The following OTOF variants were observed in gnomAD, a reference collection of about 807,000 sequenced individuals.
The protein encoded by OTOF is fer-1-like family member 2.
A neutral mutation model predicts 236.8 loss-of-function variants in OTOF; 218 were observed. That is an observed-to-expected ratio of 0.92 (90% CI 0.82 to 1.03). The LOEUF is 1.03. OTOF is among the 50% of genes least tolerant of loss of function. The probability of loss-of-function intolerance (pLI) is 0.00; values close to 1 mark genes in which losing one functional copy is unlikely to be tolerated. For missense variants in OTOF, 2,590 were observed against 2,694.4 expected, an observed-to-expected ratio of 0.96 and a Z score of 0.86; for synonymous variants, 1,041 against 1,072.5, an observed-to-expected ratio of 0.97 and a Z score of 0.57.
At position 26,476,137 on chromosome 2, in the gene OTOF, C is replaced by G. The variant is rs767573171; in HGVS notation, c.2857G>C (p.Val953Leu). Residue 953 changes from valine (V) to leucine (L), a missense_variant, in exon 23 of 47, where the codon GTC (valine) becomes CTC (leucine). Around this residue, in one of 2 missense-constraint regions of OTOF, gnomAD observed 1,379 missense variants for 1,341.6 expected, o/e 1.03. Transcript: ENST00000272371. Reference protein sequence around the residue: ...GLHAFPPVSLVYTKKQAFQLR... With the variant: ...GLHAFPPVSLLYTKKQAFQLR... Reference sequence around the variant, plus strand: ...AGGGGTCCTCACTCACTGGTGTAGACCAGGCTGACGGGTGGGAAGGCATGC... The same window carrying G: ...AGGGGTCCTCACTCACTGGTGTAGAGCAGGCTGACGGGTGGGAAGGCATGC... 6.2e-7 allele frequency: 1 copy of G among 1,611,280 alleles called. No individual in the cohort carries two copies. The highest frequency in any genetic ancestry group is 1.1e-5 in the South Asian group (1 of 90,980).
intron 5 of OTOF, among the ~76,000 whole-genome samples, chr2:26,512,629 C>T (rs1666418622): frequency 6.6e-6 from 1 of 152,198 alleles, no homozygotes; most frequent in Non-Finnish European, 1.5e-5. Context: ...GCTCCCTATA[C>T]CTGCCCCTGG....
chr2:26,466,139 G>A (rs1664717770), intron 36 of OTOF, 63 bp from the exon 37 acceptor site: 15 of 1,605,022 alleles, frequency 9.3e-6, no homozygotes, highest in Non-Finnish European at 1.3e-5. Flanking sequence ...CAGTGCCCCT[G>A]CCAGGCTGCC....
rs576888317 is a variant in OTOF at position 26,548,773 on chromosome 2, G to T, written c.79+9720C>A. On this transcript the variant is annotated intron_variant, in intron 1 of 46. Coordinates refer to ENST00000272371, the MANE Select transcript of OTOF (RefSeq NM_194248.3). The stretch of plus-strand genomic sequence containing the variant: ...GCAGTAGGTCATACCATGTAGCCTA[G>T]GTGTGTAGTTGGCTATACCATCTAG... Among the ~76,000 whole-genome samples the T allele has an allele frequency of 2.6e-5, 4 of 152,284 alleles. No homozygotes were observed. The South Asian group carries it at 8.3e-4, about 32-fold the overall frequency.
At position 26,477,539 on chromosome 2, in the gene OTOF, C is replaced by T. The variant is rs1404556732; in HGVS notation, c.2316-33G>A. The T allele has an allele frequency of 1.3e-6, 2 of 1,596,610 alleles. No homozygotes were observed. Among genetic ancestry groups the T allele is most frequent in the Admixed American group, 3.5e-5 (2 of 57,678 alleles). ...TAGGGCGAGCCGGGGTTTAGCGAGC[C>T]TGACCAGCAGGGGCTCTGTAGATTC... On this transcript the variant is annotated intron_variant, in intron 19 of 46. Coordinates refer to ENST00000272371, the MANE Select transcript of OTOF (RefSeq NM_194248.3). The surrounding 1 kb of genome is among the most constrained non-coding windows in gnomAD (Gnocchi z 4.7).
intron 4 of OTOF, among the ~76,000 whole-genome samples, chr2:26,518,671 G>A (rs964912687): frequency 4.6e-5 from 7 of 152,260 alleles, no homozygotes; most frequent in South Asian, 2.1e-4. Context: ...TCATGCCCTC[G>A]AGTGCCAGCA....
chr2:26,462,234 G>A lies in OTOF; in HGVS notation c.5193-53C>T. On this transcript the variant is annotated intron_variant, in intron 41 of 46. Transcript: ENST00000272371. This position sits in a 1 kb window ranked among gnomAD's most constrained non-coding sequence, Gnocchi z 4.7. ...GCAGCCCCAGGTGGGGGTTATGCCA[G>A]GGTGCCAGGGCTGGGATGGGGCAGG... The A allele has an allele frequency of 6.7e-7, 1 of 1,503,698 alleles. No individual in the cohort carries two copies. The highest frequency in any genetic ancestry group is 1.4e-5 in the African/African-American group (1 of 72,868). The allele number at this position is 1,503,698 out of a possible 1,614,324, so 93.1% of individuals were successfully genotyped here.
rs747452208 is a variant in OTOF, at chr2:26,473,252, G to A, written c.3613C>T (p.Arg1205Cys). ...NELLHPPLNI[R>C]VVDCRAFGRY... The stretch of plus-strand genomic sequence containing the variant: ...CCGAAGGCCCGGCAGTCCACCACAC[G>A]GATGTTCAAGGGCGGGTGCAGCAGC... Residue 1205 changes from arginine to cysteine, a missense_variant, in exon 29 of 47, where the codon CGT becomes TGT. Coordinates refer to ENST00000272371, the MANE Select transcript of OTOF (RefSeq NM_194248.3). The surrounding 1 kb of genome is among the most constrained non-coding windows in gnomAD (Gnocchi z 7.2). 42 of 1,613,336 alleles carry A rather than the reference G, an allele frequency of 2.6e-5. No homozygotes were observed. The highest frequency in any genetic ancestry group is 3.4e-5 in the Non-Finnish European group (40 of 1,179,962).
rs1172309466 is a variant in OTOF, at chr2:26,461,432, C to T, written c.5533+264G>A. On this transcript the variant is annotated intron_variant, in intron 43 of 46. Transcript: ENST00000272371. This position sits in a 1 kb window ranked among gnomAD's most constrained non-coding sequence, Gnocchi z 6.2. ...TTCCCGACTCCCTTAGGGAGCCTCT[C>T]CCCTCCCCCATCATCACTGACTGCC... 6.6e-6 allele frequency among the ~76,000 whole-genome samples: 1 copy of T among 152,164 alleles called. No homozygotes were observed. The highest frequency in any genetic ancestry group is 1.5e-5 in the Non-Finnish European group (1 of 68,010).
rs544050264 is a variant in OTOF, at chr2:26,520,726, G to A, written c.228-1617C>T. On this transcript the variant is annotated intron_variant, in intron 3 of 46. Transcript: ENST00000272371. ...GCTGCTGCCCCTGAGTCTCAATTTGGTCTTTATAAAATGAAGAGGGAAGGG... is the reference window on the plus strand; with the variant it reads ...GCTGCTGCCCCTGAGTCTCAATTTGATCTTTATAAAATGAAGAGGGAAGGG... 3.9e-5 allele frequency among the ~76,000 whole-genome samples: 6 copies of A among 152,344 alleles called. No individual in the cohort carries two copies. In the South Asian group the frequency reaches 1.2e-3, roughly 32 times the overall value.
chr2:26,477,387 C>T lies in OTOF; in HGVS notation c.2406+29G>A, dbSNP rs766434690. ...CCTTCTCACAACCAGGCCCTCCCTC[C>T]AGCCCCCGCCGTCCAGTTGCGTCCT... is the stretch of plus-strand genomic sequence containing the variant. On this transcript the variant is annotated intron_variant, in intron 20 of 46. Coordinates refer to ENST00000272371, the MANE Select transcript of OTOF (RefSeq NM_194248.3). This position sits in a 1 kb window ranked among gnomAD's most constrained non-coding sequence, Gnocchi z 4.7. 5 of 1,568,204 alleles carry T rather than the reference C, an allele frequency of 3.2e-6. No individual in the cohort carries two copies. In the South Asian group the frequency reaches 4.7e-5, roughly 15 times the overall value.
chr2:26,515,779 G>A (rs1666508154), intron 5 of OTOF, among the ~76,000 whole-genome samples: 1 of 152,140 alleles, frequency 6.6e-6, no homozygotes, highest in African/African-American at 2.4e-5. Flanking sequence ...TGTCCCCTTG[G>A]TCTCTAATAG....
intron 9 of OTOF, among the ~76,000 whole-genome samples, chr2:26,494,548 A>C (rs1665928320): frequency 1.3e-5 from 2 of 151,984 alleles, no homozygotes; most frequent in Admixed American, 6.5e-5. Context: ...TGGCTGGTAG[A>C]AAGTGCTTAC....
At chr2:26,553,871 T>C (rs1667522518) in intron 1 of OTOF, among the ~76,000 whole-genome samples, 2 of 152,064 alleles carry the variant, frequency 1.3e-5, no homozygotes, top group African/African-American at 4.8e-5. Context: ...GAGCTGAACT[T>C]GCTAATATTT....
intron 18 of OTOF, among the ~76,000 whole-genome samples, chr2:26,478,946 G>A (rs1312545247): frequency 6.6e-6 from 1 of 152,218 alleles, no homozygotes. Context: ...TGATCCACCT[G>A]CCTTGGCCTC....
At chr2:26,538,151 G>A (rs72856087) in intron 1 of OTOF, among the ~76,000 whole-genome samples, 8,198 of 152,222 alleles carry the variant, frequency 0.054, 767 homozygotes, top group African/African-American at 0.18. Context: ...TGGTGGCTCC[G>A]GGCCCTGCTG....
At chr2:26,484,748 C>A in intron 11 of OTOF, 115 bp from the exon 12 acceptor site, 3 of 1,052,090 alleles carry the variant, frequency 2.9e-6, no homozygotes, top group Non-Finnish European at 2.8e-6. Context: ...CCTAGAGTCC[C>A]GGGACCTGGG....
chr2:26,540,232 GA>G (rs1667179805), intron 1 of OTOF, among the ~76,000 whole-genome samples: 1 of 152,180 alleles, frequency 6.6e-6, no homozygotes, highest in African/African-American at 2.4e-5. Flanking sequence ...GCGCCCAGCC[GA>G]AAGACGAATA....
At chr2:26,541,468 G>C (rs1456456839) in intron 1 of OTOF, among the ~76,000 whole-genome samples, 1 of 152,086 alleles carries the variant, frequency 6.6e-6, no homozygotes, top group East Asian at 1.9e-4. Flanking sequence ...CAATCATACA[G>C]AAACAGTGGA....
intron 1 of OTOF, among the ~76,000 whole-genome samples, chr2:26,551,534 G>A (rs1205937254): frequency 2.6e-5 from 4 of 152,266 alleles, no homozygotes; most frequent in Middle Eastern, 3.4e-3. Flanking sequence ...TCCTCACCAT[G>A]AGCTGCCTGG....
Sources: gnomAD v4.1 joint callset for allele counts (sites outside exome capture counted in the v4.1 genomes callset) on GRCh38, gnomAD v4.1.1 for gene constraint, gnomAD v4.1.1 regional missense constraint, Gnocchi (gnomAD v3.1) non-coding constraint, MANE v1.5 for transcripts, NCBI Gene and HGNC (gene_info 2026-07-23, HGNC 2026-07-21) for gene names.